Variants in ZMYM2 observed in about 807,000 individuals in gnomAD.
ZMYM2 encodes the protein zinc finger MYM-type containing 2.
Under a neutral mutation model 162.8 loss-of-function variants are expected in ZMYM2, and 56 were observed. The observed-to-expected ratio is 0.34, with a 90% CI of 0.28 to 0.43. The LOEUF (loss-of-function observed/expected upper bound fraction) is 0.43, where lower values mean the gene tolerates loss of function less well. ZMYM2 is among the 20% of genes least tolerant of loss of function. The pLI is 1.00. For synonymous variants in ZMYM2, 510 were observed against 541.6 expected (o/e 0.94, Z 0.81); for missense variants, 1,275 against 1,621.8 (o/e 0.79, Z 3.67).
At chr13:20,019,080 C>CAAAAA (rs373936842) in intron 6 of ZMYM2, among the ~76,000 whole-genome samples, 3 of 127,330 alleles carry the variant, frequency 2.4e-5, no homozygotes, top group African/African-American at 8.8e-5. Context: ...AACTCCATCT[C>CAAAAA]AAAAAAAAAA....
the ZMYM2 span, among the ~76,000 whole-genome samples, chr13:19,930,195 G>T: frequency 6.6e-6 from 1 of 152,180 alleles, no homozygotes; most frequent in Non-Finnish European, 1.5e-5. Context: ...GAGGTCAGGA[G>T]TTCAAGGCCA....
chr13:19,951,136 G>A, the ZMYM2 span, among the ~76,000 whole-genome samples: 6 of 152,258 alleles, frequency 3.9e-5, no homozygotes, highest in South Asian at 8.3e-4. Context: ...GGACACCCAC[G>A]CTCTAAAGCT....
chr13:19,936,438 C>T, the ZMYM2 span, among the ~76,000 whole-genome samples: 3 of 152,010 alleles, frequency 2.0e-5, no homozygotes, highest in Non-Finnish European at 4.4e-5. Flanking sequence ...AAGAAGAGAA[C>T]AGGCCGGGCA....
chr13:19,907,392 C>T, the ZMYM2 span, among the ~76,000 whole-genome samples: 2 of 152,080 alleles, frequency 1.3e-5, no homozygotes, highest in African/African-American at 4.8e-5. Context: ...GATGTTGATA[C>T]CAGAGAAGGC....
chr13:19,936,929 A>G, the ZMYM2 span, among the ~76,000 whole-genome samples: 2 of 152,066 alleles, frequency 1.3e-5, no homozygotes, highest in Non-Finnish European at 2.9e-5. Flanking sequence ...ACACTATACT[A>G]GATTACAAGT....
intron 14 of ZMYM2, among the ~76,000 whole-genome samples, chr13:20,054,158 C>G (rs1307147024): frequency 6.6e-5 from 10 of 152,182 alleles, no homozygotes; most frequent in Admixed American, 6.5e-4. Flanking sequence ...AATTCTCCAC[C>G]CATAAACTTC....
chr13:19,945,585 G>C, the ZMYM2 span, among the ~76,000 whole-genome samples: 307 of 152,208 alleles, frequency 2.0e-3, no homozygotes, highest in Middle Eastern at 3.4e-3. Context: ...TCAATTCAAA[G>C]TAGTATTAAT....
Position 19,995,008 on chromosome 13 carries a change from A to G in ZMYM2, c.847+1089A>G, listed in dbSNP as rs551575685. On this transcript the variant is annotated intron_variant, in intron 3 of 24. Coordinates refer to ENST00000610343, the MANE Select transcript of ZMYM2 (RefSeq NM_197968.4). ...CCACCATGCCTGGCTAAATTAAAAA[A>G]AAAAAAAAAAATTATTTGTAGAGAC... Among the ~76,000 whole-genome samples the G allele has an allele frequency of 2.7e-5, 4 of 150,232 alleles. No individual in the cohort carries two copies. The East Asian group carries it at 7.9e-4, about 30-fold the overall frequency.
At chr13:19,938,723 CT>C in the ZMYM2 span, among the ~76,000 whole-genome samples, 982 of 144,472 alleles carry the variant, frequency 6.8e-3, 3 homozygotes, top group Middle Eastern at 0.011. Context: ...CAAAATAGAC[CT>C]TTTTTTTTTT....
At chr13:20,026,496 T>G in intron 7 of ZMYM2, 116 bp from the exon 8 acceptor site, 1 of 994,650 alleles carries the variant, frequency 1.0e-6, no homozygotes, top group Non-Finnish European at 1.4e-6. Flanking sequence ...ACTCTAAACC[T>G]GTTTAGAGAT....
the ZMYM2 span, among the ~76,000 whole-genome samples, chr13:19,885,921 A>ATGTGTGTG: frequency 4.4e-5 from 2 of 45,846 alleles, no homozygotes; most frequent in East Asian, 1.9e-3. Context: ...ATATACACAT[A>ATGTGTGTG]TATATGTGTA....
chr13:19,996,543 A>G (rs1368254680), intron 3 of ZMYM2, among the ~76,000 whole-genome samples: 2 of 152,158 alleles, frequency 1.3e-5, no homozygotes, highest in Non-Finnish European at 2.9e-5. Context: ...CCTGGCCAAC[A>G]TGGTGAAACC....
chr13:19,984,543 C>T (rs2139566485), intron 2 of ZMYM2, among the ~76,000 whole-genome samples: 1 of 152,290 alleles, frequency 6.6e-6, no homozygotes, highest in Admixed American at 6.5e-5. Flanking sequence ...AAAATGGAAA[C>T]TCAGATAAGT....
chr13:20,080,611 C>A (rs1957847876), intron 21 of ZMYM2, among the ~76,000 whole-genome samples: 1 of 151,968 alleles, frequency 6.6e-6, no homozygotes, highest in African/African-American at 2.4e-5. Flanking sequence ...TGCCTCAGCC[C>A]GTCAAGTCGC....
chr13:19,886,009 A>G, the ZMYM2 span, among the ~76,000 whole-genome samples: 1 of 128,984 alleles, frequency 7.8e-6, no homozygotes. Context: ...GTGTATATAT[A>G]TAGTTTAGAT....
intron 21 of ZMYM2, among the ~76,000 whole-genome samples, chr13:20,072,880 CT>C (rs1957195716): frequency 1.3e-5 from 2 of 151,350 alleles, no homozygotes; most frequent in Non-Finnish European, 2.9e-5. Context: ...ATTCCTGATA[CT>C]GGTAATCTGT....
In ZMYM2 at chr13:20,082,770, C is replaced by G; in HGVS notation, c.3569-11C>G. The G allele has an allele frequency of 6.5e-7, 1 of 1,535,384 alleles. No homozygotes were observed. On this transcript the variant is annotated splice_polypyrimidine_tract_variant and intron_variant, in intron 22 of 24. Transcript: ENST00000610343. The stretch of plus-strand genomic sequence containing the variant: ...ATTATAATTCTTTTAAAATAGTTCT[C>G]TCTATTTAAGGGTCAATATTCTCTC...
rs577950342 is a variant in ZMYM2 at position 20,037,718 on chromosome 13, G to A, written c.2292+809G>A. ...TTTGAAACCATAAATGTGTGTATGT[G>A]TATGTGTCATACTAAACCCACTTTA... is the stretch of plus-strand genomic sequence containing the variant. On this transcript the variant is annotated intron_variant, in intron 12 of 24. Coordinates refer to ENST00000610343, the MANE Select transcript of ZMYM2 (RefSeq NM_197968.4). Among the ~76,000 whole-genome samples, 31 of 152,280 alleles carry A rather than the reference G, an allele frequency of 2.0e-4. No homozygotes were observed. The South Asian group carries it at 6.2e-3, about 31-fold the overall frequency.
At chr13:19,953,005 G>A in the ZMYM2 span, among the ~76,000 whole-genome samples, 1 of 152,172 alleles carries the variant, frequency 6.6e-6, no homozygotes, top group African/African-American at 2.4e-5. Flanking sequence ...GACTGGGCTT[G>A]TCCCTTCTTG....
Sources: allele counts gnomAD v4.1 joint callset (sites outside exome capture counted in the v4.1 genomes callset), GRCh38; gene constraint gnomAD v4.1.1; transcripts MANE v1.5; gene names NCBI Gene and HGNC (gene_info 2026-07-23, HGNC 2026-07-21).